The following PLXNA1 variants were observed in gnomAD, a reference collection of about 807,000 sequenced individuals.
The protein encoded by PLXNA1 is plexin A1, also known as plexin-A1.
A neutral mutation model predicts 191.7 loss-of-function variants in PLXNA1; 77 were observed. The ratio of observed to expected loss-of-function variants is 0.40; its 90% confidence interval spans 0.33 to 0.49. The LOEUF is 0.49. Among genes scored for constraint, PLXNA1 ranks in the 20% least tolerant of loss-of-function variants. The probability of loss-of-function intolerance (pLI) is 0.63; values close to 1 mark genes in which losing one functional copy is unlikely to be tolerated. For synonymous variants in PLXNA1, 1,137 were observed against 1,156.4 expected (o/e 0.98, Z 0.34); for missense variants, 2,110 against 2,660.2 (o/e 0.79, Z 4.55).
At chr3:127,014,150 C>T (rs761435033) in intron 11 of PLXNA1, 32 bp from the exon 12 acceptor site, 41 of 1,612,596 alleles carry the variant, frequency 2.5e-5, no homozygotes, top group African/African-American at 8.0e-5. Context: ...GGGCAGTGGG[C>T]GGGCCCGAGC....
In PLXNA1 at chr3:126,989,097, C is replaced by T; in HGVS notation, c.504C>T (p.Ser168=). ...HYLSSVQEAG[S]MAGVLIAGPP... is the part of the protein sequence containing the mutation. ...TGTCCAGCGTGCAGGAGGCAGGCAG[C>T]ATGGCGGGCGTGCTCATTGCCGGGC... The change falls in exon 2 of 32, where the codon AGC becomes AGT. Residue 168 remains serine (S), a synonymous_variant. Transcript: ENST00000393409. 1 of 1,613,174 alleles carries T rather than the reference C, an allele frequency of 6.2e-7. No individual in the cohort carries two copies. The highest frequency in any genetic ancestry group is 1.7e-4 in the Middle Eastern group (1 of 6,060).
Position 126,989,275 on chromosome 3 carries a change from C to T in PLXNA1, c.682C>T (p.Gln228Ter). ...FVYQDEFVSSQLKIPSDTLSK... is the reference protein window; with the variant it reads ...FVYQDEFVSS ...GTACCAGGATGAGTTTGTGTCATCA[C>T]AGCTCAAGATCCCTTCGGACACGCT... is the stretch of plus-strand genomic sequence containing the variant. Residue 228 changes from glutamine to a stop codon, truncating the protein, a stop_gained, in exon 2 of 32, where the codon CAG becomes TAG. Coordinates refer to ENST00000393409, the MANE Select transcript of PLXNA1 (RefSeq NM_032242.4). LOFTEE classifies it high-confidence loss of function. 3.1e-6 allele frequency: 5 copies of T among 1,613,706 alleles called. No homozygotes were observed. The highest frequency in any genetic ancestry group is 4.2e-6 in the Non-Finnish European group (5 of 1,180,046).
chr3:127,025,084 G>T (rs2079170542), intron 23 of PLXNA1, among the ~76,000 whole-genome samples: 1 of 152,118 alleles, frequency 6.6e-6, no homozygotes, highest in Non-Finnish European at 1.5e-5. Flanking sequence ...TCACCACCCA[G>T]TGCCCCTCGT....
At chr3:127,030,538 A>AG in intron 29 of PLXNA1, 126 bp downstream of exon 29, 1 of 1,192,766 alleles carries the variant, frequency 8.4e-7, no homozygotes, top group Non-Finnish European at 1.2e-6. Context: ...ACAACCCAGC[A>AG]GGGGCATGGC....
chr3:127,009,485 TG>T (rs1422750268), intron 9 of PLXNA1, among the ~76,000 whole-genome samples: 1 of 151,892 alleles, frequency 6.6e-6, no homozygotes, highest in Non-Finnish European at 1.5e-5. Flanking sequence ...CAGATTTTTA[TG>T]GAGCCATTCC....
intron 23 of PLXNA1, among the ~76,000 whole-genome samples, chr3:127,025,193 G>A (rs565068867): frequency 2.2e-4 from 34 of 152,134 alleles, no homozygotes; most frequent in Middle Eastern, 3.4e-3. Context: ...GAATAGTGTC[G>A]CTGCCCTAAA....
chr3:127,028,386 AG>A (rs1376381593), intron 25 of PLXNA1, 46 bp downstream of exon 25: 1 of 1,578,436 alleles, frequency 6.3e-7, no homozygotes, highest in Non-Finnish European at 8.6e-7. Flanking sequence ...GCTGGAGCAG[AG>A]GGGCAGGGCC....
intron 16 of PLXNA1, 89 bp downstream of exon 16, chr3:127,016,773 C>T (rs1416624839): frequency 6.7e-7 from 1 of 1,485,788 alleles, no homozygotes; most frequent in African/African-American, 1.4e-5. Flanking sequence ...TGGCGGTGGC[C>T]CTCCTGCATG....
chr3:126,984,258 G>A (rs1448579461), intron 1 of PLXNA1, among the ~76,000 whole-genome samples: 1 of 152,198 alleles, frequency 6.6e-6, no homozygotes, highest in Non-Finnish European at 1.5e-5. Context: ...AGGCTCCTGT[G>A]TGGGGTTCTG....
chr3:127,003,463 A>T lies in PLXNA1; in HGVS notation c.1511A>T (p.Glu504Val). 1 of 1,608,654 alleles carries T rather than the reference A, an allele frequency of 6.2e-7. No homozygotes were observed. Among genetic ancestry groups the T allele is most frequent in the Non-Finnish European group, 8.5e-7 (1 of 1,177,110 alleles). ...PNHQYLYAMT[E>V]KQVTRVPVES... ...CACCAGTACCTCTACGCCATGACCG[A>T]GAAGCAGGTGGGTGCTGCACCAGTC... is the stretch of plus-strand genomic sequence containing the variant. The change falls in exon 4 of 32, where the codon GAG becomes GTG. Residue 504 changes from glutamate to valine, a missense_variant. By Grantham distance (121) the Glu-to-Val change is moderately radical. Around this residue, in one of 4 missense-constraint regions of PLXNA1, gnomAD observed 903 missense variants for 1,015.7 expected, o/e 0.89. Transcript: ENST00000393409.
At chr3:127,005,062 C>T (rs374361480) in intron 6 of PLXNA1, 28 bp from the exon 7 acceptor site, 8 of 1,610,778 alleles carry the variant, frequency 5.0e-6, no homozygotes, top group Non-Finnish European at 6.8e-6. Context: ...GGGGACCCTG[C>T]TCACCATGCC....
chr3:127,013,581 C>G (rs9870534), intron 10 of PLXNA1, among the ~76,000 whole-genome samples: 16,030 of 152,268 alleles, frequency 0.11, 939 homozygotes, highest in South Asian at 0.22. Context: ...TTGCCTGTCT[C>G]TGCCCCAGTC....
chr3:127,015,366 G>A, intron 15 of PLXNA1, 46 bp downstream of exon 15: 2 of 1,573,142 alleles, frequency 1.3e-6, no homozygotes, highest in East Asian at 2.3e-5. Flanking sequence ...CCCTCCTCCT[G>A]TTTCAGATGG....
Position 126,989,046 on chromosome 3 carries a change from G to A in PLXNA1, c.453G>A (p.Glu151=). 3 of 1,613,348 alleles carry A rather than the reference G, an allele frequency of 1.9e-6. No individual in the cohort carries two copies. The highest frequency in any genetic ancestry group is 1.1e-5 in the South Asian group (1 of 91,084). ...TGGACGATCTCTTCAAACTGGGTGA[G>A]CCACACCACCGTAAGGAGCACTACC... The part of the protein sequence containing the change: ...LRLDDLFKLG[E]PHHRKEHYLS... The change falls in exon 2 of 32, where the codon GAG becomes GAA. Residue 151 remains glutamate (E), a synonymous_variant. Coordinates refer to ENST00000393409, the MANE Select transcript of PLXNA1 (RefSeq NM_032242.4).
At chr3:127,023,184 G>T (rs561791118) in intron 23 of PLXNA1, among the ~76,000 whole-genome samples, 1 of 152,312 alleles carries the variant, frequency 6.6e-6, no homozygotes, top group Admixed American at 6.5e-5. Context: ...CACCTGTCAT[G>T]GGGACAGGTG....
intron 23 of PLXNA1, among the ~76,000 whole-genome samples, chr3:127,023,489 C>T (rs527832255): frequency 6.6e-6 from 1 of 152,330 alleles, no homozygotes; most frequent in Non-Finnish European, 1.5e-5. Flanking sequence ...TGGTGAAGTG[C>T]ATGCTCCTCG....
At chr3:126,994,846 C>T (rs1368447451) in intron 3 of PLXNA1, among the ~76,000 whole-genome samples, 2 of 152,114 alleles carry the variant, frequency 1.3e-5, no homozygotes, top group Non-Finnish European at 2.9e-5. Context: ...GGCCGGGCCC[C>T]GGGGCTCCCT....
At chr3:127,005,675 G>A (rs945376705) in intron 7 of PLXNA1, among the ~76,000 whole-genome samples, 3 of 152,080 alleles carry the variant, frequency 2.0e-5, no homozygotes, top group African/African-American at 7.2e-5. Flanking sequence ...CGGAGACCTG[G>A]GGTCTTGCGG....
At chr3:127,003,513 C>A in intron 4 of PLXNA1, 43 bp downstream of exon 4, 1 of 1,546,366 alleles carries the variant, frequency 6.5e-7, no homozygotes, top group Non-Finnish European at 8.8e-7. Flanking sequence ...AAGGTGGGGG[C>A]CCTCCTACCA....
Sources: gnomAD v4.1 joint callset for allele counts (sites outside exome capture counted in the v4.1 genomes callset) on GRCh38, gnomAD v4.1.1 for gene constraint, gnomAD v4.1.1 regional missense constraint, MANE v1.5 for transcripts, NCBI Gene and HGNC (gene_info 2026-07-23, HGNC 2026-07-21) for gene names.